The following LSAMP variants were observed in gnomAD, a reference collection of about 807,000 sequenced individuals.
LSAMP encodes the protein limbic system-associated membrane protein.
In LSAMP, 7 loss-of-function variants were observed where a neutral mutation model predicts 38.6. The observed-to-expected ratio is 0.18, with a 90% CI of 0.10 to 0.34. LSAMP has a LOEUF of 0.34. Ranked by LOEUF, LSAMP falls within the 10% of genes least tolerant of loss-of-function variation. The pLI, the probability that LSAMP is intolerant of heterozygous loss-of-function variation, is 1.00. For synonymous variants in LSAMP, 154 were observed against 166.8 expected, an observed-to-expected ratio of 0.92 and a Z score of 0.59; for missense variants, 313 against 420.0, an observed-to-expected ratio of 0.75 and a Z score of 2.23.
In LSAMP at chr3:115,809,776, T is replaced by C. The variant is rs150184024; in HGVS notation, c.*541A>G. The stretch of plus-strand genomic sequence containing the variant: ...GGGATGATCTCTAAAGTTGGAGAGA[T>C]AGTGGAGGAAGGAAAGCCAGAGAAA... On this transcript the variant is annotated 3_prime_UTR_variant, in exon 7 of 7. Coordinates refer to ENST00000490035, the MANE Select transcript of LSAMP (RefSeq NM_002338.5). 6.5e-6 allele frequency: 1 copy of C among 152,718 alleles called. No individual in the cohort carries two copies. The highest frequency in any genetic ancestry group is 2.4e-5 in the African/African-American group (1 of 41,306). 9.5% of individuals were successfully genotyped at this position (152,718 alleles called of 1,614,324 possible).
chr3:116,071,788 C>T (rs1576345694), intron 2 of LSAMP, among the ~76,000 whole-genome samples: 1 of 152,068 alleles, frequency 6.6e-6, no homozygotes, highest in Middle Eastern at 3.4e-3. Context: ...TGTGTTGTTC[C>T]CCCTCAAGTG....
intron 1 of LSAMP, among the ~76,000 whole-genome samples, chr3:116,291,588 T>G (rs906659431): frequency 2.0e-5 from 3 of 152,222 alleles, no homozygotes. Context: ...AACATTAGAT[T>G]GGGAAATGAC....
chr3:116,355,708 G>T (rs2048213966), intron 1 of LSAMP, among the ~76,000 whole-genome samples: 1 of 152,082 alleles, frequency 6.6e-6, no homozygotes, highest in African/African-American at 2.4e-5. Flanking sequence ...ATTATAACCA[G>T]AATATACAAG....
At chr3:116,062,423 C>T (rs754899890) in intron 2 of LSAMP, among the ~76,000 whole-genome samples, 6 of 152,022 alleles carry the variant, frequency 3.9e-5, no homozygotes, top group Non-Finnish European at 5.9e-5. Context: ...GCAGGAGAAT[C>T]GAGAATCGCT....
chr3:116,175,180 AT>A (rs1379241912), intron 1 of LSAMP, among the ~76,000 whole-genome samples: 2 of 152,092 alleles, frequency 1.3e-5, no homozygotes. Context: ...TATTCAAAAT[AT>A]TTTTTTAGAC....
intron 3 of LSAMP, among the ~76,000 whole-genome samples, chr3:115,858,146 TCTCTCTCTCTC>T (rs1471476721): frequency 1.4e-5 from 2 of 138,482 alleles, no homozygotes; most frequent in African/African-American, 5.5e-5. Flanking sequence ...TCTCTCTCTC[TCTCTCTCTCTC>T]TCTCTCTCAC....
intron 2 of LSAMP, among the ~76,000 whole-genome samples, chr3:116,054,666 A>C (rs1941456677): frequency 6.6e-6 from 1 of 152,226 alleles, no homozygotes; most frequent in Non-Finnish European, 1.5e-5. Flanking sequence ...ATAAATATAC[A>C]AATGATTACA....
At chr3:116,015,943 T>A (rs1940468854) in intron 3 of LSAMP, among the ~76,000 whole-genome samples, 1 of 152,122 alleles carries the variant, frequency 6.6e-6, no homozygotes, top group African/African-American at 2.4e-5. Context: ...TAATTACAGG[T>A]ATATTTCCTT....
intron 3 of LSAMP, among the ~76,000 whole-genome samples, chr3:115,937,674 C>T (rs1202111691): frequency 6.6e-6 from 1 of 151,468 alleles, no homozygotes; most frequent in Non-Finnish European, 1.5e-5. Flanking sequence ...AAATGTTTTG[C>T]ATTATGTAAA....
intron 1 of LSAMP, among the ~76,000 whole-genome samples, chr3:116,153,170 T>C (rs533149424): frequency 2.1e-4 from 32 of 152,238 alleles, no homozygotes; most frequent in Non-Finnish European, 3.5e-4. Context: ...AGAAACACTA[T>C]GTGTGCCATT....
Position 116,015,928 on chromosome 3 carries a change from C to T in LSAMP, c.514+3587G>A, listed in dbSNP as rs75940605. On this transcript the variant is annotated intron_variant, in intron 3 of 6. Transcript: ENST00000490035. Reference sequence around the variant, plus strand: ...CCAGGGCTCAATATCCCTGTGGGGTCGAGTTAATTACAGGTATATTTCCTT... The same window carrying T: ...CCAGGGCTCAATATCCCTGTGGGGTTGAGTTAATTACAGGTATATTTCCTT... Among the ~76,000 whole-genome samples, 609 of 152,160 alleles carry T rather than the reference C, an allele frequency of 4.0e-3. 6 individuals are homozygous for T. The highest frequency in any genetic ancestry group is 0.013 in the African/African-American group (559 of 41,516).
intron 1 of LSAMP, among the ~76,000 whole-genome samples, chr3:116,305,302 G>C (rs949221573): frequency 1.3e-5 from 2 of 152,058 alleles, no homozygotes; most frequent in African/African-American, 4.8e-5. Context: ...TGAGCAAGAG[G>C]ACAGCCATAA....
chr3:115,904,314 T>C (rs7645865), intron 3 of LSAMP, among the ~76,000 whole-genome samples: 33,779 of 151,918 alleles, frequency 0.22, 4,592 homozygotes, highest in African/African-American at 0.39. Context: ...TCTAAAACAA[T>C]GTAACTTAGA....
chr3:115,858,386 TC>T (rs1201958791), intron 3 of LSAMP, among the ~76,000 whole-genome samples: 1 of 152,226 alleles, frequency 6.6e-6, no homozygotes, highest in African/African-American at 2.4e-5. Context: ...TACCTGTCTT[TC>T]CTTTTATTTG....
chr3:116,094,767 T>C (rs1708190512), intron 1 of LSAMP, among the ~76,000 whole-genome samples: 1 of 152,210 alleles, frequency 6.6e-6, no homozygotes, highest in Non-Finnish European at 1.5e-5. Flanking sequence ...CTCATTTTAG[T>C]TCTGGCCTTG....
At position 115,806,054 on chromosome 3, in the gene LSAMP, C is replaced by T. The variant is rs1260762777; in HGVS notation, c.*4263G>A. 1 of 151,906 alleles carries T rather than the reference C, an allele frequency of 6.6e-6. No homozygotes were observed. Among genetic ancestry groups the T allele is most frequent in the Non-Finnish European group, 1.5e-5 (1 of 67,968 alleles). 9.4% of individuals were successfully genotyped at this position (151,906 alleles called of 1,614,324 possible). ...TCTCTTAAAAAATGATATTGGTAAC[C>T]AAGACTAAATGCAGGCTAAAAGTGT... On this transcript the variant is annotated 3_prime_UTR_variant, in exon 7 of 7. Coordinates refer to ENST00000490035, the MANE Select transcript of LSAMP (RefSeq NM_002338.5).
At chr3:116,031,107 A>T (rs1422080434) in intron 2 of LSAMP, among the ~76,000 whole-genome samples, 1 of 152,174 alleles carries the variant, frequency 6.6e-6, no homozygotes, top group African/African-American at 2.4e-5. Context: ...GATAAAAGAT[A>T]AGTCATTATA....
chr3:116,209,648 G>T (rs534760302), intron 1 of LSAMP, among the ~76,000 whole-genome samples: 17 of 152,206 alleles, frequency 1.1e-4, no homozygotes, highest in African/African-American at 3.9e-4. Flanking sequence ...AGCTAAGGTG[G>T]AGCCCAAACG....
intron 3 of LSAMP, among the ~76,000 whole-genome samples, chr3:115,983,034 A>G (rs9877757): frequency 0.017 from 2,590 of 151,582 alleles, 75 homozygotes; most frequent in African/African-American, 0.059. Context: ...GGAAAATCCA[A>G]CTTCCATATC....
Sources: allele counts gnomAD v4.1 joint callset (sites outside exome capture counted in the v4.1 genomes callset), GRCh38; gene constraint gnomAD v4.1.1; transcripts MANE v1.5; gene names NCBI Gene and HGNC (gene_info 2026-07-23, HGNC 2026-07-21).